The following PRKCQ variants were observed in gnomAD, a reference collection of about 807,000 sequenced individuals.
The protein encoded by PRKCQ is protein kinase C theta.
PRKCQ carries 41 observed loss-of-function variants against 91.2 expected under a neutral mutation model. The observed-to-expected ratio is 0.45, with a 90% CI of 0.35 to 0.58. PRKCQ has a LOEUF of 0.58. Ranked by LOEUF, PRKCQ falls within the 20% of genes least tolerant of loss-of-function variation. PRKCQ has a pLI of 0.00. For synonymous variants in PRKCQ, 307 were observed against 316.9 expected (o/e 0.97, Z 0.33); for missense variants, 673 against 896.5 (o/e 0.75, Z 3.18).
chr10:6,418,723 C>T, the PRKCQ span, among the ~76,000 whole-genome samples: 3 of 152,122 alleles, frequency 2.0e-5, no homozygotes, highest in East Asian at 5.8e-4. Flanking sequence ...ATTTCCTGTG[C>T]TTTTTCAGTC....
At chr10:6,560,121 A>C (rs1417049118) in intron 1 of PRKCQ, among the ~76,000 whole-genome samples, 1 of 152,290 alleles carries the variant, frequency 6.6e-6, no homozygotes, top group East Asian at 1.9e-4. Context: ...TGACTGAATA[A>C]AACCCAGCTT....
chr10:6,496,040 A>C (rs967905193), intron 7 of PRKCQ, among the ~76,000 whole-genome samples: 35 of 151,886 alleles, frequency 2.3e-4, no homozygotes, highest in Non-Finnish European at 7.4e-5. Context: ...ACATGGTGAA[A>C]CCGCATCTCT....
chr10:6,580,055 G>T (rs1428421996), intron 1 of PRKCQ, among the ~76,000 whole-genome samples, 156 bp downstream of exon 1: 1 of 152,032 alleles, frequency 6.6e-6, no homozygotes, highest in Non-Finnish European at 1.5e-5. Flanking sequence ...GCGCTCTTGC[G>T]CCCGCTTGGT....
intron 7 of PRKCQ, among the ~76,000 whole-genome samples, chr10:6,492,965 T>C (rs1198354901): frequency 6.6e-6 from 1 of 152,132 alleles, no homozygotes; most frequent in Non-Finnish European, 1.5e-5. Context: ...CGATTAAAAA[T>C]TGCTCAGCAC....
At chr10:6,461,982 A>G (rs1015922182) in intron 14 of PRKCQ, among the ~76,000 whole-genome samples, 18 of 152,220 alleles carry the variant, frequency 1.2e-4, no homozygotes, top group Admixed American at 9.2e-4. Flanking sequence ...TGAAGGGGAC[A>G]AAAGAGAAAG....
chr10:6,545,931 G>C lies in PRKCQ; in HGVS notation c.-9-30787C>G, dbSNP rs553475005. On this transcript the variant is annotated intron_variant, in intron 1 of 17. Transcript: ENST00000263125. ...GGCGGGGAGAATCGCTTGAACCCAGGAGGTGGAGGTTGCAGTGAGCTGAGA... is the reference window on the plus strand; with the variant it reads ...GGCGGGGAGAATCGCTTGAACCCAGCAGGTGGAGGTTGCAGTGAGCTGAGA... Among the ~76,000 whole-genome samples, 575 of 152,218 alleles carry C rather than the reference G, an allele frequency of 3.8e-3. 3 individuals carry two copies. The highest frequency in any genetic ancestry group is 5.5e-3 in the Non-Finnish European group (374 of 68,004).
Position 6,462,195 on chromosome 10 carries a change from C to T in PRKCQ, c.1508+108G>A, listed in dbSNP as rs554255258. ...GCAGCAGACCTATGTGTGGAGCTTA[C>T]TCCCAGGAAATCACATGGGCTGTCT... On this transcript the variant is annotated intron_variant, in intron 14 of 17. Transcript: ENST00000263125. The T allele has an allele frequency of 4.0e-6, 4 of 989,506 alleles. No individual in the cohort carries two copies. The South Asian group carries it at 5.7e-5, about 14-fold the overall frequency. 61.3% of individuals were successfully genotyped at this position (989,506 alleles called of 1,614,324 possible).
At chr10:6,409,720 T>C in the PRKCQ span, among the ~76,000 whole-genome samples, 1 of 152,314 alleles carries the variant, frequency 6.6e-6, no homozygotes, top group South Asian at 2.1e-4. Context: ...TAAATGTGGG[T>C]AACTCTACAG....
intron 1 of PRKCQ, among the ~76,000 whole-genome samples, chr10:6,572,371 G>T (rs533358116): frequency 6.6e-6 from 1 of 152,100 alleles, no homozygotes; most frequent in African/African-American, 2.4e-5. Context: ...TTTTCCTAAT[G>T]CTCTCCCTCC....
intron 16 of PRKCQ, among the ~76,000 whole-genome samples, chr10:6,440,878 C>T (rs185529568): frequency 3.9e-5 from 6 of 152,264 alleles, no homozygotes; most frequent in Admixed American, 1.3e-4. Context: ...ATCCCAGCTA[C>T]TCAGGAGGCT....
the PRKCQ span, among the ~76,000 whole-genome samples, chr10:6,394,650 G>A: frequency 6.6e-6 from 1 of 152,200 alleles, no homozygotes; most frequent in African/African-American, 2.4e-5. Flanking sequence ...TGCAGTCCAC[G>A]GTGGGTCAGC....
At chr10:6,472,051 G>A (rs913174537) in intron 12 of PRKCQ, among the ~76,000 whole-genome samples, 5 of 152,100 alleles carry the variant, frequency 3.3e-5, no homozygotes, top group South Asian at 4.1e-4. Flanking sequence ...GCTCACGCCC[G>A]TAATCCTAGC....
chr10:6,579,492 G>A (rs1021537250), intron 1 of PRKCQ, among the ~76,000 whole-genome samples: 1 of 152,130 alleles, frequency 6.6e-6, no homozygotes, highest in African/African-American at 2.4e-5. Flanking sequence ...GCACACGCCT[G>A]TAGCATTCAA....
chr10:6,551,559 G>A (rs1379428560), intron 1 of PRKCQ, among the ~76,000 whole-genome samples: 1 of 151,816 alleles, frequency 6.6e-6, no homozygotes, highest in Non-Finnish European at 1.5e-5. Context: ...ACCACACCCG[G>A]CTAATATTTT....
rs1338918609 is a variant in PRKCQ at position 6,457,233 on chromosome 10, C to T, written c.1509-421G>A. On this transcript the variant is annotated intron_variant, in intron 14 of 17. Transcript: ENST00000263125. The stretch of plus-strand genomic sequence containing the variant: ...AGTTTGTTCCTAACTAATACTGAAC[C>T]CCTTGAGAACCGGAATCCATCCAAC... Among the ~76,000 whole-genome samples, 4 of 152,276 alleles carry T rather than the reference C, an allele frequency of 2.6e-5. No homozygotes were observed. The East Asian group carries it at 5.8e-4, about 22-fold the overall frequency.
intron 12 of PRKCQ, among the ~76,000 whole-genome samples, chr10:6,467,036 T>C (rs1588703883): frequency 6.6e-6 from 1 of 151,974 alleles, no homozygotes; most frequent in Admixed American, 6.6e-5. Flanking sequence ...AACAAAATAG[T>C]GTGTGTGGAA....
chr10:6,418,698 G>T, the PRKCQ span, among the ~76,000 whole-genome samples: 3 of 152,104 alleles, frequency 2.0e-5, no homozygotes, highest in East Asian at 3.9e-4. Flanking sequence ...CTCTAAATGT[G>T]TCTGATAAAG....
the PRKCQ span, among the ~76,000 whole-genome samples, chr10:6,410,291 T>C: frequency 6.6e-6 from 1 of 152,248 alleles, no homozygotes; most frequent in Non-Finnish European, 1.5e-5. Context: ...TGGGGTCATT[T>C]CAAGTGTTAC....
rs1168077523 is a variant in PRKCQ at position 6,497,442 on chromosome 10, G to T, written c.543-191C>A. Among the ~76,000 whole-genome samples the T allele has an allele frequency of 1.3e-5, 2 of 152,136 alleles. No homozygotes were observed. Among genetic ancestry groups the T allele is most frequent in the East Asian group, 3.9e-4 (2 of 5,188 alleles). ...TTTGAAGCTGCGTTTTAAAAAGTTT[G>T]ATAATTAAATAAATGAGAACTGGCT... On this transcript the variant is annotated intron_variant, in intron 5 of 17. Coordinates refer to ENST00000263125, the MANE Select transcript of PRKCQ (RefSeq NM_006257.5). This position sits in a 1 kb window ranked among gnomAD's most constrained non-coding sequence, Gnocchi z 4.5.
Sources: gnomAD v4.1 joint callset for allele counts (sites outside exome capture counted in the v4.1 genomes callset) on GRCh38, gnomAD v4.1.1 for gene constraint, Gnocchi (gnomAD v3.1) non-coding constraint, MANE v1.5 for transcripts, NCBI Gene and HGNC (gene_info 2026-07-23, HGNC 2026-07-21) for gene names.